The following MB21D2 variants were observed in gnomAD, a reference collection of about 807,000 sequenced individuals.
MB21D2 encodes the protein nucleotidyltransferase MB21D2.
MB21D2 carries 9 observed loss-of-function variants against 33.3 expected under a neutral mutation model. The ratio of observed to expected loss-of-function variants is 0.27; its 90% CI spans 0.16 to 0.47. MB21D2 has a LOEUF of 0.47. Among genes scored for constraint, MB21D2 ranks in the 20% least tolerant of loss-of-function variants. The pLI is 0.99. For missense variants in MB21D2, 540 were observed against 624.6 expected (o/e 0.86, Z 1.44); for synonymous variants, 241 against 236.3 (o/e 1.02, Z -0.18).
intron 1 of MB21D2, among the ~76,000 whole-genome samples, chr3:192,891,912 C>T (rs1049030382): frequency 2.0e-5 from 3 of 151,982 alleles, no homozygotes; most frequent in Non-Finnish European, 2.9e-5. Flanking sequence ...AATTACATTC[C>T]GATGGTTGAT....
At chr3:192,853,629 C>A (rs1477156799) in intron 1 of MB21D2, among the ~76,000 whole-genome samples, 1 of 151,864 alleles carries the variant, frequency 6.6e-6, no homozygotes, top group Non-Finnish European at 1.5e-5. Flanking sequence ...ACATACATTT[C>A]TGGTGTTTTT....
intron 1 of MB21D2, among the ~76,000 whole-genome samples, chr3:192,845,805 G>A (rs1666055531): frequency 6.6e-6 from 1 of 152,312 alleles, no homozygotes; most frequent in African/African-American, 2.4e-5. Context: ...GGGGCCAGGC[G>A]CGGTGGCTCA....
chr3:192,873,841 T>C (rs547685908), intron 1 of MB21D2, among the ~76,000 whole-genome samples: 24 of 152,170 alleles, frequency 1.6e-4, no homozygotes, highest in Admixed American at 8.5e-4. Flanking sequence ...TAGCTGGGAC[T>C]ATAGGCGCAC....
intron 1 of MB21D2, among the ~76,000 whole-genome samples, chr3:192,828,591 CAT>C (rs58394740): frequency 5.5e-5 from 3 of 54,138 alleles, no homozygotes; most frequent in Non-Finnish European, 1.2e-4. Flanking sequence ...TCACCCCCCC[CAT>C]ATATATATAT....
intron 1 of MB21D2, among the ~76,000 whole-genome samples, chr3:192,826,994 C>T (rs1055754302): frequency 5.3e-5 from 8 of 151,932 alleles, no homozygotes; most frequent in Non-Finnish European, 1.2e-4. Flanking sequence ...CAGGTTCACA[C>T]CATTCTCCTG....
rs557922464 is a variant in MB21D2 at position 192,852,032 on chromosome 3, T to A, written c.212-52382A>T. Among the ~76,000 whole-genome samples, 91 of 152,316 alleles carry A rather than the reference T, an allele frequency of 6.0e-4. 3 individuals are homozygous for A. The South Asian group carries it at 0.018, about 29-fold the overall frequency. ...ATTGGCAAACTTGGGCAAAGTTTTA[T>A]CCCCCAGGCATCTGGAGTCGTGCCA... On this transcript the variant is annotated intron_variant, in intron 1 of 1. Transcript: ENST00000392452.
intron 1 of MB21D2, among the ~76,000 whole-genome samples, chr3:192,899,417 T>C (rs1714046388): frequency 1.3e-5 from 2 of 152,022 alleles, no homozygotes; most frequent in East Asian, 1.9e-4. Context: ...TAATCCCAGC[T>C]ACTTGGGAGG....
At chr3:192,820,227 C>G (rs1006654918) in intron 1 of MB21D2, among the ~76,000 whole-genome samples, 2 of 152,024 alleles carry the variant, frequency 1.3e-5, no homozygotes, top group Admixed American at 1.3e-4. Flanking sequence ...GTATGCAGAA[C>G]CTTCAGACAG....
At chr3:192,854,141 G>A (rs1301770402) in intron 1 of MB21D2, among the ~76,000 whole-genome samples, 2 of 152,354 alleles carry the variant, frequency 1.3e-5, no homozygotes, top group African/African-American at 2.4e-5. Flanking sequence ...TAAGCTTAGT[G>A]AGGAGAGCAT....
intron 1 of MB21D2, among the ~76,000 whole-genome samples, chr3:192,870,729 GAAGAAGGA>G (rs1470879215): frequency 1.2e-5 from 1 of 86,170 alleles, no homozygotes; most frequent in African/African-American, 8.2e-5. Flanking sequence ...AGGAAGGAGA[GAAGAAGGA>G]AGGAAGGAAG....
At chr3:192,836,721 G>C (rs1453510126) in intron 1 of MB21D2, among the ~76,000 whole-genome samples, 1 of 152,144 alleles carries the variant, frequency 6.6e-6, no homozygotes, top group Non-Finnish European at 1.5e-5. Context: ...CCTGTCTGTG[G>C]TATTTTGCTA....
At chr3:192,803,452 G>C (rs1441460020) in intron 1 of MB21D2, among the ~76,000 whole-genome samples, 1 of 152,106 alleles carries the variant, frequency 6.6e-6, no homozygotes. Context: ...AAGTCCCTAA[G>C]GCCACACTGT....
At chr3:192,855,377 G>T (rs1484852314) in intron 1 of MB21D2, among the ~76,000 whole-genome samples, 1 of 152,182 alleles carries the variant, frequency 6.6e-6, no homozygotes, top group African/African-American at 2.4e-5. Flanking sequence ...GATTACAGGT[G>T]TGAGCCACTG....
chr3:192,832,738 C>T (rs955132498), intron 1 of MB21D2, among the ~76,000 whole-genome samples: 20 of 152,104 alleles, frequency 1.3e-4, no homozygotes, highest in African/African-American at 4.1e-4. Context: ...TGCAGTGAGC[C>T]GAGAGATCGA....
At chr3:192,836,051 C>A (rs975399015) in intron 1 of MB21D2, among the ~76,000 whole-genome samples, 1 of 152,038 alleles carries the variant, frequency 6.6e-6, no homozygotes, top group Non-Finnish European at 1.5e-5. Flanking sequence ...GTTATATGCT[C>A]TGGTTTGTTT....
At chr3:192,831,302 AG>A (rs1712309892) in intron 1 of MB21D2, among the ~76,000 whole-genome samples, 1 of 152,166 alleles carries the variant, frequency 6.6e-6, no homozygotes, top group South Asian at 2.1e-4. Flanking sequence ...CTCTAGCCCC[AG>A]TCAAATTTTA....
At chr3:192,802,936 A>AG (rs2108608825) in intron 1 of MB21D2, among the ~76,000 whole-genome samples, 1 of 152,354 alleles carries the variant, frequency 6.6e-6, no homozygotes, top group South Asian at 2.1e-4. Flanking sequence ...GTCTCCTCTT[A>AG]GGCGTAACTA....
chr3:192,869,539 T>C (rs892208624), intron 1 of MB21D2, among the ~76,000 whole-genome samples: 1 of 152,192 alleles, frequency 6.6e-6, no homozygotes, highest in Non-Finnish European at 1.5e-5. Flanking sequence ...TCCAGAGTCA[T>C]GTAATATGTG....
At chr3:192,801,172 T>C (rs1275215219) in intron 1 of MB21D2, among the ~76,000 whole-genome samples, 1 of 152,184 alleles carries the variant, frequency 6.6e-6, no homozygotes, top group Non-Finnish European at 1.5e-5. Flanking sequence ...ATAGATGGAA[T>C]TAACATAAAT....
Sources: gnomAD v4.1 joint callset for allele counts (sites outside exome capture counted in the v4.1 genomes callset) on GRCh38, gnomAD v4.1.1 for gene constraint, MANE v1.5 for transcripts, NCBI Gene and HGNC (gene_info 2026-07-23, HGNC 2026-07-21) for gene names.